Variants in NUP210 observed in about 807,000 individuals in gnomAD.
The protein encoded by NUP210 is nuclear pore membrane glycoprotein 210.
In NUP210, 151 loss-of-function variants were observed where a neutral mutation model predicts 196.0. The observed-to-expected ratio is 0.77, with a 90% CI of 0.67 to 0.88. NUP210 has a LOEUF of 0.88. NUP210 is among the 40% of genes least tolerant of loss of function. NUP210 has a pLI of 0.00. For missense variants in NUP210, 2,314 were observed against 2,493.7 expected (o/e 0.93, Z 1.53); for synonymous variants, 1,070 against 1,052.7 (o/e 1.02, Z -0.32).
At position 13,323,424 on chromosome 3, in the gene NUP210, GA is replaced by G; in HGVS notation, c.4652del (p.Val1551AlafsTer27). The G allele has an allele frequency of 6.2e-7, 1 of 1,614,034 alleles. No individual in the cohort carries two copies. Among genetic ancestry groups the G allele is most frequent in the Non-Finnish European group, 8.5e-7 (1 of 1,179,996 alleles). On this transcript the variant is annotated frameshift_variant, in exon 34 of 40. Coordinates refer to ENST00000254508, the MANE Select transcript of NUP210 (RefSeq NM_024923.4). LOFTEE classifies it high-confidence loss of function. This position sits in a 1 kb window ranked among gnomAD's most constrained non-coding sequence, Gnocchi z 4.3. ...GHLRTYKEVV[V>X]SVPQRIMARH... Reference sequence around the variant, plus strand: ...GGGCCATGATCCTCTGAGGGACGCTGACCACCACCTAGAGAGGGAGCCAAGG... The same window carrying G: ...GGGCCATGATCCTCTGAGGGACGCTGCCACCACCTAGAGAGGGAGCCAAGG...
At position 13,341,979 on chromosome 3, in the gene NUP210, C is replaced by T. The variant is rs1697522292; in HGVS notation, c.3092+17G>A. Reference sequence around the variant, plus strand: ...CTGTCTCTGAGGTGCCCTCCTCTGACCCCTAGGAGAACTCACACCAATGTA... The same window carrying T: ...CTGTCTCTGAGGTGCCCTCCTCTGATCCCTAGGAGAACTCACACCAATGTA... On this transcript the variant is annotated intron_variant, in intron 22 of 39. Coordinates refer to ENST00000254508, the MANE Select transcript of NUP210 (RefSeq NM_024923.4). The T allele has an allele frequency of 3.7e-6, 6 of 1,613,980 alleles. No homozygotes were observed. Among genetic ancestry groups the T allele is most frequent in the Admixed American group, 1.7e-5 (1 of 60,018 alleles).
intron 37 of NUP210, among the ~76,000 whole-genome samples, 200 bp from the exon 38 acceptor site, chr3:13,319,525 C>A (rs754617140): frequency 1.7e-5 from 2 of 119,282 alleles, no homozygotes; most frequent in Non-Finnish European, 3.5e-5. Context: ...CTTCTCCTGG[C>A]GCAGGCTGCT....
intron 28 of NUP210, among the ~76,000 whole-genome samples, chr3:13,333,425 C>G (rs547272734): frequency 9.8e-4 from 149 of 152,372 alleles, no homozygotes; most frequent in Non-Finnish European, 1.5e-3. Flanking sequence ...GGCCTGAGCC[C>G]TGGGCCATGG....
intron 6 of NUP210, among the ~76,000 whole-genome samples, chr3:13,381,154 T>A (rs2124923803): frequency 6.6e-6 from 1 of 152,370 alleles, no homozygotes; most frequent in Middle Eastern, 3.4e-3. Context: ...GAGCAGTGCA[T>A]CAAAGATAAA....
At position 13,366,050 on chromosome 3, in the gene NUP210, C is replaced by A; in HGVS notation, c.1828G>T (p.Val610Leu). The A allele has an allele frequency of 2.5e-6, 4 of 1,614,188 alleles. No homozygotes were observed. Among genetic ancestry groups the A allele is most frequent in the Non-Finnish European group, 3.4e-6 (4 of 1,180,006 alleles). ...PGSEHCSGIRVKAEAQGSTTL... is the reference protein window; with the variant it reads ...PGSEHCSGIRLKAEAQGSTTL... ...GTAGAGCCCTGGGCCTCGGCCTTTA[C>A]CCGGATGCCGCTGCAGTGCTCAGAG... Residue 610 changes from valine (V) to leucine (L), a missense_variant, in exon 14 of 40, where the codon GTA becomes TTA. By Grantham distance (32) the Val-to-Leu change is conservative. Coordinates refer to ENST00000254508, the MANE Select transcript of NUP210 (RefSeq NM_024923.4).
Position 13,358,273 on chromosome 3 carries a change from G to A in NUP210, c.2277C>T (p.Thr759=), listed in dbSNP as rs757180099. 1.2e-6 allele frequency: 2 copies of A among 1,613,778 alleles called. No individual in the cohort carries two copies. The highest frequency in any genetic ancestry group is 2.2e-5 in the South Asian group (2 of 91,050). ...GACAGGACATGTCCAGCTGGGGGCT[G>A]GTGTAGACAGGCGCGAGGGTGAGCC... is the stretch of plus-strand genomic sequence containing the variant. ...PSRLTLAPVY[T]SPQLDMSCPL... The change falls in exon 16 of 40, where the codon ACC becomes ACT. Residue 759 remains threonine, a synonymous_variant. Coordinates refer to ENST00000254508, the MANE Select transcript of NUP210 (RefSeq NM_024923.4).
intron 1 of NUP210, among the ~76,000 whole-genome samples, chr3:13,413,798 T>C (rs1349774679): frequency 6.6e-6 from 1 of 152,096 alleles, no homozygotes; most frequent in African/African-American, 2.4e-5. Flanking sequence ...GTGAACGTAC[T>C]TCATGCCACA....
intron 13 of NUP210, among the ~76,000 whole-genome samples, chr3:13,370,458 G>A (rs1698692723): frequency 1.3e-5 from 2 of 152,194 alleles, no homozygotes; most frequent in African/African-American, 2.4e-5. Flanking sequence ...AGGGAGTGGA[G>A]TGGCTCAGAC....
chr3:13,328,891 T>C lies in NUP210; in HGVS notation c.4166A>G (p.Asn1389Ser), dbSNP rs756415326. The change falls in exon 31 of 40, where the codon AAC (asparagine) becomes AGC (serine). Residue 1389 changes from asparagine to serine, a missense_variant. Asn to Ser is a conservative substitution (Grantham distance 46). Coordinates refer to ENST00000254508, the MANE Select transcript of NUP210 (RefSeq NM_024923.4). ...VSMSPVLHTQ[N>S]KEALVAVPLG... ...AGGCACGGCCACCAGGGCCTCCTTG[T>C]TCTGGGTGTGCAGGACAGGGCTCAT... is the stretch of plus-strand genomic sequence containing the variant. The C allele has an allele frequency of 3.1e-6, 5 of 1,614,022 alleles. No individual in the cohort carries two copies. In the Admixed American group the frequency reaches 5.0e-5, roughly 16 times the overall value.
rs1697816916 is a variant in NUP210 at position 13,347,977 on chromosome 3, GC to G, written c.2835+3901del. On this transcript the variant is annotated intron_variant, in intron 20 of 39. Transcript: ENST00000254508. The surrounding 1 kb of genome is among the most constrained non-coding windows in gnomAD (Gnocchi z 4.7). ...CATGGAAGGAAACTTCTGGACCAGA[GC>G]AGTTCGCAGGGCCTGTGGCACGGGC... 6.6e-6 allele frequency among the ~76,000 whole-genome samples: 1 copy of G among 152,236 alleles called. No homozygotes were observed. The highest frequency in any genetic ancestry group is 2.4e-5 in the African/African-American group (1 of 41,464).
In NUP210 at chr3:13,354,027, G is replaced by C; in HGVS notation, c.2409C>G (p.Ser803Arg). The C allele has an allele frequency of 6.2e-7, 1 of 1,609,170 alleles. No homozygotes were observed. The highest frequency in any genetic ancestry group is 8.5e-7 in the Non-Finnish European group (1 of 1,177,874). ...DQEGRRFDNF[S>R]SLSIQWESTR... is the part of the protein sequence containing the mutation. Reference sequence around the variant, plus strand: ...TGGACTCCCACTGGATGCTCAGAGAGCTGAAGTTGTCGAACCGGCGGCCCT... The same window carrying C: ...TGGACTCCCACTGGATGCTCAGAGACCTGAAGTTGTCGAACCGGCGGCCCT... The change falls in exon 17 of 40, where the codon AGC becomes AGG. Residue 803 changes from serine (S) to arginine (R), a missense_variant. Coordinates refer to ENST00000254508, the MANE Select transcript of NUP210 (RefSeq NM_024923.4).
At chr3:13,381,897 T>C (rs1576403307) in intron 6 of NUP210, among the ~76,000 whole-genome samples, 1 of 152,036 alleles carries the variant, frequency 6.6e-6, no homozygotes, top group South Asian at 2.1e-4. Context: ...GGGATGACCA[T>C]GGAGCTCCTG....
rs759160768 is a variant in NUP210 at position 13,330,607 on chromosome 3, G to A, written c.3963C>T (p.Arg1321=). 1.5e-5 allele frequency: 24 copies of A among 1,613,996 alleles called. No homozygotes were observed. The highest frequency in any genetic ancestry group is 3.3e-5 in the Admixed American group (2 of 59,986). The change falls in exon 30 of 40, where the codon CGC becomes CGT. Residue 1321 remains arginine, a synonymous_variant. Transcript: ENST00000254508. ...NRDGAASLSY[R]VLDGPEKVPV... ...GAACCTTTTCGGGTCCATCCAGGAC[G>A]CGGTAGCTCAGAGAGGCTGCACCAT...
intron 20 of NUP210, among the ~76,000 whole-genome samples, chr3:13,349,758 A>G (rs993418618): frequency 3.3e-5 from 5 of 152,218 alleles, no homozygotes; most frequent in African/African-American, 1.2e-4. Flanking sequence ...GTCCAAGCCT[A>G]AGCACACTCT....
chr3:13,405,925 A>G (rs1699988425), intron 1 of NUP210, among the ~76,000 whole-genome samples: 1 of 152,196 alleles, frequency 6.6e-6, no homozygotes, highest in South Asian at 2.1e-4. Context: ...CTATTTTTTA[A>G]CAGACTCATT....
At chr3:13,373,974 T>C in intron 11 of NUP210, 101 bp from the exon 12 acceptor site, 1 of 1,323,426 alleles carries the variant, frequency 7.6e-7, no homozygotes, top group Non-Finnish European at 1.1e-6. Flanking sequence ...GTACTCACAC[T>C]CATACACATT....
chr3:13,399,565 G>A lies in NUP210; in HGVS notation c.304+160C>T, dbSNP rs184957280. Among the ~76,000 whole-genome samples the A allele has an allele frequency of 8.6e-3, 1,307 of 152,296 alleles. 8 individuals are homozygous for A. The highest frequency in any genetic ancestry group is 0.013 in the Non-Finnish European group (874 of 68,028). On this transcript the variant is annotated intron_variant, in intron 2 of 39. Transcript: ENST00000254508. The stretch of plus-strand genomic sequence containing the variant: ...AGTGCTGGCACAAGGCTTGGGATGG[G>A]TGTTGCCTGCTGGGTGCCTGTCTCC...
At chr3:13,388,255 T>C (rs557879326) in intron 5 of NUP210, 48 bp downstream of exon 5, 2 of 1,514,360 alleles carry the variant, frequency 1.3e-6, no homozygotes, top group African/African-American at 1.4e-5. Flanking sequence ...ACCGTCAGCC[T>C]GATTCCACCC....
At chr3:13,341,368 C>A (rs573398900) in intron 23 of NUP210, among the ~76,000 whole-genome samples, 1 of 152,334 alleles carries the variant, frequency 6.6e-6, no homozygotes. Context: ...TTCTAAGGCT[C>A]AGGACCAATG....
Sources: allele counts gnomAD v4.1 joint callset (sites outside exome capture counted in the v4.1 genomes callset), GRCh38; gene constraint gnomAD v4.1.1; non-coding constraint Gnocchi (gnomAD v3.1); transcripts MANE v1.5; gene names NCBI Gene and HGNC (gene_info 2026-07-23, HGNC 2026-07-21).